The following MYO1D variants were observed in gnomAD, a reference collection of about 807,000 sequenced individuals.
The protein encoded by MYO1D is unconventional myosin-Id.
Under a neutral mutation model 122.0 loss-of-function variants are expected in MYO1D, and 83 were observed. The observed-to-expected ratio is 0.68, with a 90% CI of 0.57 to 0.82. The LOEUF (loss-of-function observed/expected upper bound fraction) is 0.82, where lower values mean the gene tolerates loss of function less well. Among genes scored for constraint, MYO1D ranks in the 40% least tolerant of loss-of-function variants. MYO1D has a pLI of 0.00. For synonymous variants in MYO1D, 464 were observed against 446.9 expected (o/e 1.04, Z -0.48); for missense variants, 1,157 against 1,269.5 (o/e 0.91, Z 1.35).
intron 21 of MYO1D, among the ~76,000 whole-genome samples, chr17:32,537,083 C>G (rs182717181): frequency 2.6e-4 from 40 of 152,282 alleles, no homozygotes; most frequent in African/African-American, 7.9e-4. Context: ...CTTGTTTCCT[C>G]CTAGGGCCGG....
intron 1 of MYO1D, among the ~76,000 whole-genome samples, chr17:32,825,976 G>A (rs1270059850): frequency 6.6e-6 from 1 of 150,536 alleles, no homozygotes; most frequent in African/African-American, 2.4e-5. Flanking sequence ...CTCAGCCCAG[G>A]AGTTTGAGCT....
intron 1 of MYO1D, among the ~76,000 whole-genome samples, chr17:32,846,569 T>G (rs981669334): frequency 3.9e-5 from 6 of 152,122 alleles, no homozygotes; most frequent in African/African-American, 1.2e-4. Context: ...CAGTAATAAT[T>G]AAATAAAAAG....
At chr17:32,607,834 A>G (rs932467264) in intron 20 of MYO1D, among the ~76,000 whole-genome samples, 6 of 152,190 alleles carry the variant, frequency 3.9e-5, no homozygotes, top group Admixed American at 1.3e-4. Flanking sequence ...AAACAGACTC[A>G]CGTGAATATG....
chr17:32,517,859 T>C (rs1909948061), intron 21 of MYO1D, among the ~76,000 whole-genome samples: 1 of 152,250 alleles, frequency 6.6e-6, no homozygotes, highest in Admixed American at 6.5e-5. Context: ...ATTCTAGAAG[T>C]GCCTGTGAAG....
intron 16 of MYO1D, among the ~76,000 whole-genome samples, chr17:32,699,233 G>A (rs1475652050): frequency 6.6e-6 from 1 of 151,960 alleles, no homozygotes; most frequent in Non-Finnish European, 1.5e-5. Flanking sequence ...AATAAGCACT[G>A]GGATTACAGG....
At chr17:32,585,862 AT>A (rs1005491687) in intron 21 of MYO1D, among the ~76,000 whole-genome samples, 2 of 152,066 alleles carry the variant, frequency 1.3e-5, no homozygotes, top group African/African-American at 4.8e-5. Context: ...AACATTCCAT[AT>A]TTTTTTGAGA....
Position 32,628,903 on chromosome 17 carries a change from A to C in MYO1D, c.2709+9819T>G, listed in dbSNP as rs182907530. Among the ~76,000 whole-genome samples the C allele has an allele frequency of 1.1e-3, 172 of 152,332 alleles. 1 individual carries two copies. Among genetic ancestry groups the C allele is most frequent in the South Asian group, 4.1e-4 (2 of 4,828 alleles). On this transcript the variant is annotated intron_variant, in intron 20 of 21. Coordinates refer to ENST00000318217, the MANE Select transcript of MYO1D (RefSeq NM_015194.3). The stretch of plus-strand genomic sequence containing the variant: ...TCCTATTTATTCAATAGATTTAAAA[A>C]CTTGTGTCCATACAAAAAACCTGCT...
At chr17:32,665,053 T>C (rs1360663325) in intron 16 of MYO1D, among the ~76,000 whole-genome samples, 1 of 152,190 alleles carries the variant, frequency 6.6e-6, no homozygotes, top group Non-Finnish European at 1.5e-5. Flanking sequence ...TCAGGGCTTT[T>C]GTGCTAGTTG....
intron 20 of MYO1D, among the ~76,000 whole-genome samples, chr17:32,613,661 C>G (rs542202656): frequency 6.6e-6 from 1 of 151,940 alleles, no homozygotes; most frequent in African/African-American, 2.4e-5. Context: ...GTAATCCCAG[C>G]TACTCGGGGG....
chr17:32,819,437 G>C (rs1204779760), intron 1 of MYO1D, among the ~76,000 whole-genome samples: 1 of 152,186 alleles, frequency 6.6e-6, no homozygotes, highest in Non-Finnish European at 1.5e-5. Context: ...TTTGGTGGCA[G>C]TTTCTGCTCC....
Position 32,494,644 on chromosome 17 carries a change from T to C in MYO1D, c.*115A>G. ...GGAAATCTTACAGGGGCGGGGCTCC[T>C]CTGGGAGGGGCCCTCGCAGCAGGTT... On this transcript the variant is annotated 3_prime_UTR_variant, in exon 22 of 22. Transcript: ENST00000318217. 4 of 1,271,760 alleles carry C rather than the reference T, an allele frequency of 3.1e-6. No homozygotes were observed. Among genetic ancestry groups the C allele is most frequent in the African/African-American group, 3.0e-5 (2 of 66,552 alleles). The allele number at this position is 1,271,760 out of a possible 1,614,324, so 78.8% of individuals were successfully genotyped here.
intron 21 of MYO1D, among the ~76,000 whole-genome samples, chr17:32,576,040 C>A (rs1293875565): frequency 2.0e-5 from 3 of 152,132 alleles, no homozygotes; most frequent in Admixed American, 2.0e-4. Flanking sequence ...TATTTGACTC[C>A]TTTTTACCTA....
intron 1 of MYO1D, among the ~76,000 whole-genome samples, chr17:32,870,990 T>G (rs1352077330): frequency 6.6e-6 from 1 of 152,176 alleles, no homozygotes; most frequent in Non-Finnish European, 1.5e-5. Flanking sequence ...TGTCCATGTA[T>G]CCTGAGAGCA....
chr17:32,676,379 T>C (rs1477138394), intron 16 of MYO1D, among the ~76,000 whole-genome samples: 2 of 151,656 alleles, frequency 1.3e-5, no homozygotes, highest in Non-Finnish European at 2.9e-5. Context: ...CCATAACATG[T>C]TCATTACTTT....
chr17:32,580,739 G>T (rs1012663175), intron 21 of MYO1D, among the ~76,000 whole-genome samples: 1 of 152,048 alleles, frequency 6.6e-6, no homozygotes, highest in Non-Finnish European at 1.5e-5. Context: ...TTGATTATTG[G>T]ATGTTAAACC....
At chr17:32,609,145 T>C (rs2087667515) in intron 20 of MYO1D, among the ~76,000 whole-genome samples, 1 of 152,222 alleles carries the variant, frequency 6.6e-6, no homozygotes, top group Non-Finnish European at 1.5e-5. Flanking sequence ...ATTATATTCA[T>C]TGCCTATAAA....
chr17:32,513,411 C>T (rs1287037988), intron 21 of MYO1D, among the ~76,000 whole-genome samples: 1 of 152,096 alleles, frequency 6.6e-6, no homozygotes, highest in Non-Finnish European at 1.5e-5. Context: ...GTTTTGAGCT[C>T]ATGTGATGGA....
intron 16 of MYO1D, among the ~76,000 whole-genome samples, chr17:32,665,659 C>G (rs1442712948): frequency 6.6e-6 from 1 of 152,222 alleles, no homozygotes; most frequent in Non-Finnish European, 1.5e-5. Context: ...CCTGTTACCT[C>G]TAAATCCCCA....
chr17:32,725,645 G>C (rs574487157), intron 14 of MYO1D, among the ~76,000 whole-genome samples: 1 of 152,224 alleles, frequency 6.6e-6, no homozygotes, highest in African/African-American at 2.4e-5. Flanking sequence ...GGGAGGCTAA[G>C]AGGTATAGAA....
Sources: gnomAD v4.1 joint callset for allele counts (sites outside exome capture counted in the v4.1 genomes callset) on GRCh38, gnomAD v4.1.1 for gene constraint, MANE v1.5 for transcripts, NCBI Gene and HGNC (gene_info 2026-07-23, HGNC 2026-07-21) for gene names.